SPATA6L: variants seen among roughly 807,000 people sequenced by gnomAD.
SPATA6L encodes spermatogenesis associated 6 like.
In SPATA6L, 68 loss-of-function variants were observed where a neutral mutation model predicts 49.2. That is an observed-to-expected ratio of 1.38 (90% CI 1.14 to 1.69). SPATA6L has a LOEUF of 1.69. SPATA6L is among the 40% of genes most tolerant of loss of function. The pLI is 0.00. For synonymous variants in SPATA6L, 198 were observed against 165.7 expected, an observed-to-expected ratio of 1.19 and a Z score of -1.50; for missense variants, 668 against 464.3, an observed-to-expected ratio of 1.44 and a Z score of -4.03.
chr9:4,592,325 A>G (rs1821960184), intron 13 of SPATA6L, among the ~76,000 whole-genome samples: 1 of 151,878 alleles, frequency 6.6e-6, no homozygotes, highest in African/African-American at 2.4e-5. Context: ...AAAAAAAAAA[A>G]AAAAAAAATC....
chr9:4,597,170 C>G (rs888419141), downstream of SPATA6L, among the ~76,000 whole-genome samples: 2 of 152,006 alleles, frequency 1.3e-5, no homozygotes, highest in Non-Finnish European at 2.9e-5. Flanking sequence ...TCCAGGTACT[C>G]GGAGGGGCGC....
rs538128687 is a variant in SPATA6L at position 4,622,415 on chromosome 9, C to T, written c.765G>A (p.Thr255=). The change falls in exon 7 of 12, where the codon ACG becomes ACA. Residue 255 remains threonine (T), a synonymous_variant. Coordinates refer to ENST00000682582, the MANE Select transcript of SPATA6L (RefSeq NM_001353486.2). ...AACAAGAAACTCGAGTACCTCTTCTCGTTGGAAACGGAAAGTCTGAAAACT... is the reference window on the plus strand; with the variant it reads ...AACAAGAAACTCGAGTACCTCTTCTTGTTGGAAACGGAAAGTCTGAAAACT... ...KSKFSDFPFP[T]RRASSLDSLA... is the part of the protein sequence containing the mutation. The T allele has an allele frequency of 2.5e-6, 4 of 1,606,166 alleles. No homozygotes were observed. Among genetic ancestry groups the T allele is most frequent in the African/African-American group, 1.3e-5 (1 of 74,882 alleles).
At chr9:4,664,003 C>T (rs1840465458) in intron 1 of SPATA6L, 1 of 167,016 alleles carries the variant, frequency 6.0e-6, no homozygotes, top group African/African-American at 2.4e-5. Flanking sequence ...GAGAAAAAGC[C>T]AACTTGCTTA....
chr9:4,645,935 A>G (rs301468), intron 3 of SPATA6L, among the ~76,000 whole-genome samples: 95,806 of 152,048 alleles, frequency 0.63, 32,131 homozygotes, highest in African/African-American at 0.88. Flanking sequence ...TCTTATGAAC[A>G]TACGAAAACC....
intron 9 of SPATA6L, among the ~76,000 whole-genome samples, chr9:4,608,470 T>G (rs1825860221): frequency 1.9e-5 from 2 of 105,628 alleles, no homozygotes; most frequent in East Asian, 5.1e-4. Context: ...GCAATCAAAC[T>G]AGAACTCAGG....
chr9:4,604,236 C>T lies in SPATA6L; in HGVS notation c.1123G>A (p.Glu375Lys), dbSNP rs987970024. Residue 375 changes from glutamate (E) to lysine (K), a missense_variant, in exon 11 of 12, where the codon GAA (glutamate) becomes AAA (lysine). By Grantham distance (56) the Glu-to-Lys change is moderately conservative. Coordinates refer to ENST00000682582, the MANE Select transcript of SPATA6L (RefSeq NM_001353486.2). The part of the protein sequence containing the change: ...DSTSEVNYII[E>K]RPSYPLKKYS... ...TTCTTCAGAGGGTAGCTTGGTCTTT[C>T]AATGATATAATTTACTTCAGAGGTA... 14 of 1,611,402 alleles carry T rather than the reference C, an allele frequency of 8.7e-6. No individual in the cohort carries two copies. The highest frequency in any genetic ancestry group is 1.1e-5 in the Non-Finnish European group (13 of 1,178,386).
chr9:4,653,601 C>G (rs1837406925), intron 3 of SPATA6L, among the ~76,000 whole-genome samples: 1 of 152,144 alleles, frequency 6.6e-6, no homozygotes, highest in Non-Finnish European at 1.5e-5. Flanking sequence ...TGCAAATCAT[C>G]TATCTAACAA....
intron 9 of SPATA6L, among the ~76,000 whole-genome samples, chr9:4,606,270 G>GT (rs1402461962): frequency 4.1e-5 from 6 of 145,324 alleles, no homozygotes; most frequent in Admixed American, 2.1e-4. Context: ...AAAGCAGCCG[G>GT]AAGCTCCAAC....
intron 3 of SPATA6L, among the ~76,000 whole-genome samples, chr9:4,644,631 AGAG>A (rs1181937340): frequency 1.3e-5 from 2 of 151,784 alleles, no homozygotes; most frequent in African/African-American, 4.8e-5. Context: ...AGCAGAGATC[AGAG>A]GAGAATTTTC....
intron 3 of SPATA6L, among the ~76,000 whole-genome samples, chr9:4,650,232 G>A (rs1046983278): frequency 6.6e-6 from 1 of 152,150 alleles, no homozygotes; most frequent in Non-Finnish European, 1.5e-5. Context: ...CTTCTACCCA[G>A]TATGGCCTCA....
Position 4,666,374 on chromosome 9 carries a change from G to T in SPATA6L, c.-124C>A. On this transcript the variant is annotated 5_prime_UTR_variant, in exon 1 of 12. Coordinates refer to ENST00000682582, the MANE Select transcript of SPATA6L (RefSeq NM_001353486.2). ...TTCCCAGAAGCTTCCCCAGTCCCAC[G>T]CCCTTGTTCCCCTACCGTCCCCCCC... is the stretch of plus-strand genomic sequence containing the variant. The T allele has an allele frequency of 1.9e-6, 2 of 1,028,058 alleles. No homozygotes were observed. The highest frequency in any genetic ancestry group is 1.6e-5 in the African/African-American group (1 of 63,770). The allele number at this position is 1,028,058 out of a possible 1,614,324, so 63.7% of individuals were successfully genotyped here.
chr9:4,614,219 G>A lies in SPATA6L; in HGVS notation c.995+3704C>T, dbSNP rs546673481. Among the ~76,000 whole-genome samples the A allele has an allele frequency of 2.6e-5, 4 of 152,254 alleles. No homozygotes were observed. The East Asian group carries it at 7.7e-4, about 29-fold the overall frequency. On this transcript the variant is annotated intron_variant, in intron 9 of 11. Coordinates refer to ENST00000682582, the MANE Select transcript of SPATA6L (RefSeq NM_001353486.2). Reference sequence around the variant, plus strand: ...ATTCAGATGGTGGATACAGGGAACAGGCTTGGCAGTGTTTCTCCCTCCTTT... The same window carrying A: ...ATTCAGATGGTGGATACAGGGAACAAGCTTGGCAGTGTTTCTCCCTCCTTT...
chr9:4,626,656 T>A, intron 5 of SPATA6L: 1 of 1,028,242 alleles, frequency 9.7e-7, no homozygotes, highest in South Asian at 1.6e-5. Flanking sequence ...TTTTTAAAAA[T>A]TAAATCTTTC....
intron 9 of SPATA6L, among the ~76,000 whole-genome samples, chr9:4,606,012 T>A (rs922852191): frequency 1.3e-5 from 2 of 151,832 alleles, no homozygotes; most frequent in South Asian, 4.2e-4. Flanking sequence ...GCGCAAGGGG[T>A]CAGGCAGTTC....
intron 3 of SPATA6L, among the ~76,000 whole-genome samples, chr9:4,635,719 C>A (rs1238478864): frequency 2.0e-5 from 3 of 152,144 alleles, no homozygotes; most frequent in Non-Finnish European, 2.9e-5. Context: ...AACCTTAACC[C>A]AGGCACTGAG....
intron 3 of SPATA6L, among the ~76,000 whole-genome samples, chr9:4,646,123 T>TACACACAC (rs112163366): frequency 0.018 from 2,643 of 149,494 alleles, 60 homozygotes; most frequent in East Asian, 0.095. Flanking sequence ...CTTAGGGTTT[T>TACACACAC]ACACACACAC....
At position 4,662,037 on chromosome 9, in the gene SPATA6L, C is replaced by G; in HGVS notation, c.40-1G>C. The G allele has an allele frequency of 6.2e-7, 1 of 1,612,932 alleles. No homozygotes were observed. The highest frequency in any genetic ancestry group is 8.5e-7 in the Non-Finnish European group (1 of 1,179,614). On this transcript the variant is annotated splice_acceptor_variant, in intron 1 of 11. Coordinates refer to ENST00000682582, the MANE Select transcript of SPATA6L (RefSeq NM_001353486.2). LOFTEE classifies it high-confidence loss of function. This position sits in a 1 kb window ranked among gnomAD's most constrained non-coding sequence, Gnocchi z 4.9. ...GCAGGAACACTCCTGGGCAAGAAAT[C>G]TTAAAAAGAAAGAAAACAACAAACA...
chr9:4,637,106 C>A (rs967469780), intron 3 of SPATA6L, among the ~76,000 whole-genome samples: 1 of 152,122 alleles, frequency 6.6e-6, no homozygotes, highest in Non-Finnish European at 1.5e-5. Flanking sequence ...TATAATCAGG[C>A]TTCTAATAAT....
In SPATA6L at chr9:4,629,272, G is replaced by A; in HGVS notation, c.352-104C>T. On this transcript the variant is annotated intron_variant, in intron 4 of 11. Transcript: ENST00000682582. ...CAAGAACCTAACTGCTCTTCTGTGT[G>A]GCATAATCCACACACATTATCTAAA... The A allele has an allele frequency of 4.3e-6, 3 of 693,358 alleles. 1 individual carries two copies. The Middle Eastern group carries it at 7.4e-4, about 171-fold the overall frequency. 43.0% of individuals were successfully genotyped at this position (693,358 alleles called of 1,614,324 possible).
Sources: gnomAD v4.1 joint callset for allele counts (sites outside exome capture counted in the v4.1 genomes callset) on GRCh38, gnomAD v4.1.1 for gene constraint, Gnocchi (gnomAD v3.1) non-coding constraint, MANE v1.5 for transcripts, NCBI Gene and HGNC (gene_info 2026-07-23, HGNC 2026-07-21) for gene names.